Variants in CDK17 observed in about 807,000 individuals in gnomAD.
CDK17 encodes cyclin dependent kinase 17, also known as cyclin-dependent kinase 17.
Under a neutral mutation model 77.6 loss-of-function variants are expected in CDK17, and 24 were observed. The observed-to-expected ratio is 0.31, with a 90% confidence interval of 0.22 to 0.44. The LOEUF is 0.44. Among genes scored for constraint, CDK17 ranks in the 20% least tolerant of loss-of-function variants. The pLI is 1.00. For missense variants in CDK17, 429 were observed against 622.5 expected (o/e 0.69, Z 3.31); for synonymous variants, 203 against 210.4 (o/e 0.96, Z 0.30).
chr12:96,374,411 C>T (rs1953745867), intron 1 of CDK17, among the ~76,000 whole-genome samples: 1 of 152,100 alleles, frequency 6.6e-6, no homozygotes, highest in African/African-American at 2.4e-5. Flanking sequence ...TGTGTTCTGA[C>T]CCCACTACTT....
intron 11 of CDK17, among the ~76,000 whole-genome samples, chr12:96,287,000 A>G (rs775756615): frequency 1.2e-4 from 19 of 152,218 alleles, no homozygotes; most frequent in Non-Finnish European, 2.6e-4. Flanking sequence ...TAATCCTTGA[A>G]GAATAACACT....
chr12:96,322,711 T>A (rs974881592), intron 3 of CDK17, among the ~76,000 whole-genome samples: 2 of 152,240 alleles, frequency 1.3e-5, no homozygotes, highest in African/African-American at 4.8e-5. Flanking sequence ...GTGGCATAGA[T>A]AATAGTTAAA....
Position 96,314,201 on chromosome 12 carries a change from T to C in CDK17, c.284-747A>G, listed in dbSNP as rs1478006512. ...TTTGAAAATATTAAAAACAGACATA[T>C]ACTGTTTTGTTTTTGAGACAAGGTC... On this transcript the variant is annotated intron_variant, in intron 3 of 16. Coordinates refer to ENST00000261211, the MANE Select transcript of CDK17 (RefSeq NM_002595.5). Among the ~76,000 whole-genome samples, 4 of 152,052 alleles carry C rather than the reference T, an allele frequency of 2.6e-5. No individual in the cohort carries two copies. In the East Asian group the frequency reaches 5.8e-4, roughly 22 times the overall value.
In CDK17 at chr12:96,383,507, C is replaced by T. The variant is rs1032327446; in HGVS notation, c.-30+16479G>A. On this transcript the variant is annotated intron_variant, in intron 1 of 16. Transcript: ENST00000261211. ...ACAAAGCCAGAGGAATCATACTACC[C>T]GACTTAAAACTAAACTGTAGGGCTA... Among the ~76,000 whole-genome samples, 5 of 151,686 alleles carry T rather than the reference C, an allele frequency of 3.3e-5. No individual in the cohort carries two copies. In the South Asian group the frequency reaches 6.2e-4, roughly 19 times the overall value.
At chr12:96,372,119 T>C (rs1374566328) in intron 1 of CDK17, among the ~76,000 whole-genome samples, 2 of 152,172 alleles carry the variant, frequency 1.3e-5, no homozygotes, top group Non-Finnish European at 2.9e-5. Flanking sequence ...CAATAATAGT[T>C]ATAACATCTT....
chr12:96,388,938 A>G (rs930330809), intron 1 of CDK17, among the ~76,000 whole-genome samples: 1 of 152,030 alleles, frequency 6.6e-6, no homozygotes, highest in Admixed American at 6.6e-5. Flanking sequence ...TCTCACATGA[A>G]CTCACTCATC....
At chr12:96,299,214 A>G (rs1952458830) in intron 6 of CDK17, among the ~76,000 whole-genome samples, 1 of 152,222 alleles carries the variant, frequency 6.6e-6, no homozygotes, top group Non-Finnish European at 1.5e-5. Flanking sequence ...CCTCAAGAGT[A>G]TAAAAACATA....
At chr12:96,365,672 G>T (rs1374265712) in intron 1 of CDK17, among the ~76,000 whole-genome samples, 1 of 152,212 alleles carries the variant, frequency 6.6e-6, no homozygotes, top group Non-Finnish European at 1.5e-5. Flanking sequence ...CACTTACTAT[G>T]CTACCAAAAT....
At chr12:96,391,336 T>G (rs552643584) in intron 1 of CDK17, among the ~76,000 whole-genome samples, 61 of 151,540 alleles carry the variant, frequency 4.0e-4, no homozygotes, top group African/African-American at 1.5e-3. Context: ...GTCACTCAGG[T>G]TGGAGTGCAG....
chr12:96,304,022 A>C (rs1952542455), intron 5 of CDK17, among the ~76,000 whole-genome samples: 1 of 152,008 alleles, frequency 6.6e-6, no homozygotes, highest in Non-Finnish European at 1.5e-5. Context: ...TCAACTAATA[A>C]AACAAATAAC....
chr12:96,337,719 A>G (rs1953063974), intron 1 of CDK17, among the ~76,000 whole-genome samples: 1 of 152,186 alleles, frequency 6.6e-6, no homozygotes, highest in Non-Finnish European at 1.5e-5. Flanking sequence ...CACACTAGAT[A>G]TTTAAGTTGT....
chr12:96,367,172 G>A (rs994933527), intron 1 of CDK17, among the ~76,000 whole-genome samples: 4 of 151,356 alleles, frequency 2.6e-5, no homozygotes, highest in Non-Finnish European at 4.4e-5. Context: ...GTGAAACCTC[G>A]TCTGTACTAA....
At chr12:96,321,932 A>G (rs1024154774) in intron 3 of CDK17, among the ~76,000 whole-genome samples, 11 of 151,212 alleles carry the variant, frequency 7.3e-5, no homozygotes, top group African/African-American at 1.7e-4. Flanking sequence ...CACAATGTGC[A>G]CATGTACCCT....
intron 12 of CDK17, 45 bp downstream of exon 12, chr12:96,286,619 T>C (rs765473741): frequency 7.5e-6 from 10 of 1,330,850 alleles, no homozygotes; most frequent in Non-Finnish European, 1.1e-5. Context: ...ATCCAGCTAG[T>C]CAATTATGGG....
chr12:96,380,174 CA>C (rs58742783), intron 1 of CDK17, among the ~76,000 whole-genome samples: 121,307 of 145,114 alleles, frequency 0.84, 50,323 homozygotes, highest in Non-Finnish European at 0.85. Context: ...GTCCCCCGAC[CA>C]AAAAAAAAAC....
chr12:96,305,681 T>C (rs959249091), intron 5 of CDK17, among the ~76,000 whole-genome samples: 4 of 152,152 alleles, frequency 2.6e-5, no homozygotes, highest in Non-Finnish European at 5.9e-5. Flanking sequence ...ATTTGCAAGT[T>C]TGTTATACAG....
At position 96,279,220 on chromosome 12, in the gene CDK17, T is replaced by C. The variant is rs1048111525; in HGVS notation, c.*1022A>G. ...TACCCACAATAATTTCAAGCAATCC[T>C]GTAAGTTCTCATTTCTCTTGTTTGT... On this transcript the variant is annotated 3_prime_UTR_variant, in exon 17 of 17. Coordinates refer to ENST00000261211, the MANE Select transcript of CDK17 (RefSeq NM_002595.5). The C allele has an allele frequency of 1.3e-5, 2 of 152,236 alleles. No homozygotes were observed. Among genetic ancestry groups the C allele is most frequent in the African/African-American group, 4.8e-5 (2 of 41,470 alleles). 9.4% of individuals were successfully genotyped at this position (152,236 alleles called of 1,614,324 possible). A position where few individuals can be genotyped will look rare whatever the true frequency, so the allele number is the denominator to read the frequency against.
At chr12:96,347,742 G>C (rs908746168) in intron 1 of CDK17, among the ~76,000 whole-genome samples, 2 of 151,938 alleles carry the variant, frequency 1.3e-5, no homozygotes, top group African/African-American at 4.8e-5. Flanking sequence ...CTAACAAGCA[G>C]AATACACACT....
At chr12:96,298,592 T>C (rs1053532223) in intron 7 of CDK17, among the ~76,000 whole-genome samples, 1 of 152,218 alleles carries the variant, frequency 6.6e-6, no homozygotes, top group African/African-American at 2.4e-5. Context: ...ATCTGGTTAA[T>C]TTATAGTTAC....
Sources: allele counts gnomAD v4.1 joint callset (sites outside exome capture counted in the v4.1 genomes callset), GRCh38; gene constraint gnomAD v4.1.1; transcripts MANE v1.5; gene names NCBI Gene and HGNC (gene_info 2026-07-23, HGNC 2026-07-21).